DICER1: variants seen among roughly 807,000 people sequenced by gnomAD.
The protein encoded by DICER1 is endoribonuclease Dicer.
DICER1 carries 43 observed loss-of-function variants against 194.1 expected under a neutral mutation model. That is an observed-to-expected ratio of 0.22 (90% CI 0.17 to 0.29). DICER1 has a LOEUF of 0.29. DICER1 is among the 10% of genes least tolerant of loss of function. The pLI, the probability that DICER1 is intolerant of heterozygous loss-of-function variation, is 1.00. For synonymous variants in DICER1, 832 were observed against 820.5 expected (o/e 1.01, Z -0.24); for missense variants, 1,608 against 2,317.0 (o/e 0.69, Z 6.28).
At chr14:95,136,292 TC>T (rs1276532228) in intron 1 of DICER1, among the ~76,000 whole-genome samples, 1 of 152,228 alleles carries the variant, frequency 6.6e-6, no homozygotes, top group African/African-American at 2.4e-5. Flanking sequence ...TCTCAAATAC[TC>T]CATTTCCTCC....
intron 9 of DICER1, 54 bp downstream of exon 9, chr14:95,117,568 T>G (rs1379416559): frequency 1.3e-6 from 2 of 1,597,190 alleles, no homozygotes; most frequent in Non-Finnish European, 1.7e-6. Flanking sequence ...ATGGGCACTT[T>G]GTCTGTATAT....
chr14:95,096,434 A>G lies in DICER1; in HGVS notation c.4486T>C (p.Ser1496Pro). ...KSSLGSMPFS[S>P]DFEDFDYSSW... is the part of the protein sequence containing the mutation. ...CTGTAGTCAAAATCCTCAAAATCTG[A>G]TGAAAATGGCATACTACCTAAGGAG... Residue 1496 changes from serine to proline, a missense_variant, in exon 23 of 27, where the codon TCA (serine) becomes CCA (proline). Coordinates refer to ENST00000343455, the MANE Select transcript of DICER1 (RefSeq NM_177438.3). 1 of 1,614,230 alleles carries G rather than the reference A, an allele frequency of 6.2e-7. No individual in the cohort carries two copies. Among genetic ancestry groups the G allele is most frequent in the Non-Finnish European group, 8.5e-7 (1 of 1,180,042 alleles).
chr14:95,126,084 A>ACC (rs566947508), intron 7 of DICER1, among the ~76,000 whole-genome samples: 105 of 151,886 alleles, frequency 6.9e-4, no homozygotes, highest in African/African-American at 2.5e-3. Context: ...AAAACTGAAG[A>ACC]CTGCAAACAG....
At position 95,090,035 on chromosome 14, in the gene DICER1, T is replaced by G. The variant is rs1294061719; in HGVS notation, c.*463A>C. ...TCTCCTCTCGAAAACCTTATCTTTC[T>G]ATTCAGCTTATCAACTACTGCAGGA... On this transcript the variant is annotated 3_prime_UTR_variant, in exon 27 of 27. Transcript: ENST00000343455. The G allele has an allele frequency of 3.4e-6, 1 of 295,654 alleles. No individual in the cohort carries two copies. Among genetic ancestry groups the G allele is most frequent in the African/African-American group, 2.2e-5 (1 of 45,898 alleles). The allele number at this position is 295,654 out of a possible 1,614,324, so 18.3% of individuals were successfully genotyped here. A position where few individuals can be genotyped will look rare whatever the true frequency, so the allele number is the denominator to read the frequency against.
At chr14:95,143,570 G>C (rs1310814106) in intron 1 of DICER1, among the ~76,000 whole-genome samples, 2 of 151,976 alleles carry the variant, frequency 1.3e-5, no homozygotes, top group Non-Finnish European at 2.9e-5. Context: ...CCTACCTCTA[G>C]TCATAAAAAT....
At chr14:95,145,104 G>A (rs563659187) in intron 1 of DICER1, among the ~76,000 whole-genome samples, 1 of 152,232 alleles carries the variant, frequency 6.6e-6, no homozygotes, top group African/African-American at 2.4e-5. Context: ...CTAAATCTAA[G>A]TGTTTCTTTG....
chr14:95,133,625 G>A, intron 1 of DICER1, 122 bp from the exon 2 acceptor site: 1 of 772,460 alleles, frequency 1.3e-6, no homozygotes, highest in South Asian at 1.7e-5. Context: ...TCCTATAATT[G>A]TTTTAGCTTT....
intron 1 of DICER1, among the ~76,000 whole-genome samples, chr14:95,139,618 T>G (rs932047914): frequency 3.0e-4 from 45 of 152,242 alleles, no homozygotes; most frequent in African/African-American, 1.0e-3. Flanking sequence ...CAATGTTCTG[T>G]ATATACATTT....
chr14:95,141,153 C>T (rs891671637), intron 1 of DICER1: 12 of 152,212 alleles, frequency 7.9e-5, no homozygotes, highest in Admixed American at 1.3e-4. Flanking sequence ...AGAAGACGTA[C>T]TTGGCTGAGA....
intron 1 of DICER1, among the ~76,000 whole-genome samples, chr14:95,140,201 G>A (rs1894739258): frequency 6.6e-6 from 1 of 152,136 alleles, no homozygotes; most frequent in Non-Finnish European, 1.5e-5. Flanking sequence ...TGAAACTAGT[G>A]AGGTTGTTTC....
intron 1 of DICER1, among the ~76,000 whole-genome samples, chr14:95,135,879 A>G (rs1434446879): frequency 6.6e-6 from 1 of 152,226 alleles, no homozygotes; most frequent in Non-Finnish European, 1.5e-5. Flanking sequence ...ATAAATAGTG[A>G]TCTCATTCAT....
chr14:95,121,337 G>C lies in DICER1; in HGVS notation c.1376+2859C>G, dbSNP rs115722668. ...AGAAAAAAATAAAAATAAATTTTTTGAAAAAGAGGACATTAGTAGAAAAGC... is the reference window on the plus strand; with the variant it reads ...AGAAAAAAATAAAAATAAATTTTTTCAAAAAGAGGACATTAGTAGAAAAGC... On this transcript the variant is annotated intron_variant, in intron 8 of 26. Coordinates refer to ENST00000343455, the MANE Select transcript of DICER1 (RefSeq NM_177438.3). Among the ~76,000 whole-genome samples the C allele has an allele frequency of 7.3e-3, 1,110 of 152,134 alleles. 14 individuals are homozygous for C. Among genetic ancestry groups the C allele is most frequent in the African/African-American group, 0.025 (1,055 of 41,516 alleles).
rs776738577 is a variant in DICER1, at chr14:95,124,616, T to A, written c.956A>T (p.Asp319Val). 5.0e-6 allele frequency: 8 copies of A among 1,613,738 alleles called. No individual in the cohort carries two copies. The South Asian group carries it at 8.8e-5, about 18-fold the overall frequency. The change falls in exon 8 of 27, where the codon GAT becomes GTT. Residue 319 changes from aspartate (D) to valine (V), a missense_variant. Around this residue, in one of 10 missense-constraint regions of DICER1, gnomAD observed 657 missense variants for 910.1 expected, o/e 0.72. Transcript: ENST00000343455. This position sits in a 1 kb window ranked among gnomAD's most constrained non-coding sequence, Gnocchi z 4.5. ...VLVVLGPWCA[D>V]KVAGMMVREL... ...TCTTACCATCATTCCAGCTACTTTATCTGCACACCAGGGTCCCAGAACTAC... is the reference window on the plus strand; with the variant it reads ...TCTTACCATCATTCCAGCTACTTTAACTGCACACCAGGGTCCCAGAACTAC...
Position 95,103,580 on chromosome 14 carries a change from C to T in DICER1, c.3816G>A (p.Lys1272=). The change falls in exon 21 of 27, where the codon AAG becomes AAA. Residue 1272 remains lysine, a synonymous_variant. Transcript: ENST00000343455. ...PGTTDTIQVL[K]GRMDSEQSPS... ...GGCTCTGCTCAGAATCCATCCTGCC[C>T]TTGAGCACTTGAATAGTGTCTGTCG... is the stretch of plus-strand genomic sequence containing the variant. 1 of 1,614,200 alleles carries T rather than the reference C, an allele frequency of 6.2e-7. No individual in the cohort carries two copies. Among genetic ancestry groups the T allele is most frequent in the Non-Finnish European group, 8.5e-7 (1 of 1,180,032 alleles).
In DICER1 at chr14:95,129,606, A is replaced by C; in HGVS notation, c.600T>G (p.Pro200=). The change falls in exon 6 of 27, where the codon CCT becomes CCG. Residue 200 remains proline (P), a synonymous_variant. Transcript: ENST00000343455. ...TGGAAGCAGTTAGTCCCAAAATGCGAGGACATGATGGACAATTTTCACAGA... is the reference window on the plus strand; with the variant it reads ...TGGAAGCAGTTAGTCCCAAAATGCGCGGACATGATGGACAATTTTCACAGA... The part of the protein sequence containing the change: ...MKLCENCPSC[P]RILGLTASIL... 6.2e-7 allele frequency: 1 copy of C among 1,612,894 alleles called. No individual in the cohort carries two copies. Among genetic ancestry groups the C allele is most frequent in the South Asian group, 1.1e-5 (1 of 91,074 alleles).
rs560739585 is a variant in DICER1 at position 95,131,568 on chromosome 14, G to C, written c.379C>G (p.Leu127Val). The C allele has an allele frequency of 3.2e-5, 51 of 1,613,130 alleles. No homozygotes were observed. Among genetic ancestry groups the C allele is most frequent in the Non-Finnish European group, 4.3e-5 (51 of 1,179,270 alleles). ...TTTGTCCAAGATGCATTTACTTCTA[G>C]GTTTGAGTATTCCCCAACCTTGAGA... The part of the protein sequence containing the change: ...SDLKVGEYSN[L>V]EVNASWTKER... Residue 127 changes from leucine (L) to valine (V), a missense_variant, in exon 4 of 27, where the codon CTA becomes GTA. Leu to Val is a conservative substitution (Grantham distance 32). This residue lies in a region of DICER1 where 657 missense variants were observed against 910.1 expected (regional missense o/e 0.72). Coordinates refer to ENST00000343455, the MANE Select transcript of DICER1 (RefSeq NM_177438.3).
At chr14:95,139,033 C>T (rs1235561708) in intron 1 of DICER1, among the ~76,000 whole-genome samples, 1 of 149,754 alleles carries the variant, frequency 6.7e-6, no homozygotes, top group African/African-American at 2.5e-5. Flanking sequence ...ATTGCTGCCT[C>T]ATCACCATTC....
chr14:95,102,119 T>C (rs1196493002), intron 21 of DICER1, among the ~76,000 whole-genome samples: 1 of 152,216 alleles, frequency 6.6e-6, no homozygotes, highest in African/African-American at 2.4e-5. Flanking sequence ...TGTACGTGTG[T>C]GTGCGTATAC....
At chr14:95,090,851 A>T in intron 26 of DICER1, 183 bp downstream of exon 26, 1 of 942,654 alleles carries the variant, frequency 1.1e-6, no homozygotes, top group Non-Finnish European at 1.6e-6. Context: ...AGTCTTTATT[A>T]CAGCATTATT....
Sources: gnomAD v4.1 joint callset for allele counts (sites outside exome capture counted in the v4.1 genomes callset) on GRCh38, gnomAD v4.1.1 for gene constraint, gnomAD v4.1.1 regional missense constraint, Gnocchi (gnomAD v3.1) non-coding constraint, MANE v1.5 for transcripts, NCBI Gene and HGNC (gene_info 2026-07-23, HGNC 2026-07-21) for gene names.